The following UCHL5 variants were observed in gnomAD, a reference collection of about 807,000 sequenced individuals.
UCHL5 encodes the protein ubiquitin C-terminal hydrolase L5, also known as ubiquitin carboxyl-terminal hydrolase isozyme L5.
Under a neutral mutation model 53.8 loss-of-function variants are expected in UCHL5, and 34 were observed. The ratio of observed to expected loss-of-function variants is 0.63; its 90% CI spans 0.48 to 0.84. UCHL5 has a LOEUF of 0.84. Ranked by LOEUF, UCHL5 falls within the 40% of genes least tolerant of loss-of-function variation. The pLI is 0.00. For missense variants in UCHL5, 290 were observed against 385.6 expected (o/e 0.75, Z 2.08); for synonymous variants, 111 against 126.3 (o/e 0.88, Z 0.81).
In UCHL5 at chr1:193,029,435, T is replaced by A. The variant is rs780856989; in HGVS notation, c.387A>T (p.Ala129=). The A allele has an allele frequency of 1.2e-6, 2 of 1,613,610 alleles. No individual in the cohort carries two copies. The highest frequency in any genetic ancestry group is 1.7e-6 in the Non-Finnish European group (2 of 1,179,870). Residue 129 remains alanine (A), a synonymous_variant, in exon 5 of 11, where the codon GCA becomes GCT. Coordinates refer to ENST00000367454, the MANE Select transcript of UCHL5 (RefSeq NM_001199261.3). ...QSFDAAMKGL[A]LSNSDVIRQV... ...GTCGAATCACATCTGAATTGCTCAG[T>A]GCCAAGCCTTTCATCTAAAATAATT...
At chr1:193,031,612 A>T (rs1661441636) in intron 3 of UCHL5, among the ~76,000 whole-genome samples, 1 of 152,188 alleles carries the variant, frequency 6.6e-6, no homozygotes, top group South Asian at 2.1e-4. Flanking sequence ...TATGCTATAC[A>T]TAGTACAAAA....
rs959388654 is a variant in UCHL5, at chr1:193,012,480, C to A, written c.*3871G>T. The A allele has an allele frequency of 6.6e-6, 1 of 152,156 alleles. No homozygotes were observed. Among genetic ancestry groups the A allele is most frequent in the Non-Finnish European group, 1.5e-5 (1 of 68,030 alleles). The allele number at this position is 152,156 out of a possible 1,614,324, so 9.4% of individuals were successfully genotyped here. The stretch of plus-strand genomic sequence containing the variant: ...CAAATTAATATTCTTAATTATTGCA[C>A]ATTGGTTCTGCCTATATGCCTATAT... On this transcript the variant is annotated 3_prime_UTR_variant, in exon 11 of 11. Coordinates refer to ENST00000367454, the MANE Select transcript of UCHL5 (RefSeq NM_001199261.3).
In UCHL5 at chr1:193,019,992, A is replaced by G. The variant is rs987545549; in HGVS notation, c.942+1105T>C. 5.1e-6 allele frequency: 5 copies of G among 984,592 alleles called. No individual in the cohort carries two copies. In the African/African-American group the frequency reaches 8.7e-5, roughly 17 times the overall value. 61.0% of individuals were successfully genotyped at this position (984,592 alleles called of 1,614,324 possible). A position where few individuals can be genotyped will look rare whatever the true frequency, so the allele number is the denominator to read the frequency against. Reference sequence around the variant, plus strand: ...AACATCATATCTAGGTATTCTTGTTAACCAAGCAATTTTGAGAACCACAGG... The same window carrying G: ...AACATCATATCTAGGTATTCTTGTTGACCAAGCAATTTTGAGAACCACAGG... On this transcript the variant is annotated intron_variant, in intron 10 of 10. Transcript: ENST00000367454.
chr1:193,050,538 GC>G (rs149665960), intron 2 of UCHL5, among the ~76,000 whole-genome samples: 4,733 of 152,012 alleles, frequency 0.031, 87 homozygotes, highest in Non-Finnish European at 0.045. Context: ...TTCGAGACCA[GC>G]CTGGACAACA....
chr1:193,055,348 G>C (rs181050260), intron 1 of UCHL5, among the ~76,000 whole-genome samples: 262 of 152,292 alleles, frequency 1.7e-3, no homozygotes, highest in African/African-American at 5.3e-3. Context: ...GTTAAGATTA[G>C]TTCTCTAGCT....
chr1:193,017,307 T>A (rs532687108), intron 10 of UCHL5, among the ~76,000 whole-genome samples: 5 of 151,850 alleles, frequency 3.3e-5, no homozygotes, highest in South Asian at 2.1e-4. Flanking sequence ...CAACTTTTTT[T>A]AAAACGTCCT....
At chr1:193,024,904 T>C (rs1018674606) in intron 7 of UCHL5, among the ~76,000 whole-genome samples, 15 of 152,142 alleles carry the variant, frequency 9.9e-5, no homozygotes, top group African/African-American at 3.6e-4. Flanking sequence ...AAAACACTGA[T>C]TGTGGGACTT....
intron 1 of UCHL5, among the ~76,000 whole-genome samples, chr1:193,058,439 G>A (rs1181953144): frequency 6.6e-6 from 1 of 152,196 alleles, no homozygotes; most frequent in Non-Finnish European, 1.5e-5. Flanking sequence ...GTCCAAAGAA[G>A]AGACTAAGAA....
At chr1:193,041,358 C>T (rs1665504514) in intron 3 of UCHL5, among the ~76,000 whole-genome samples, 1 of 152,016 alleles carries the variant, frequency 6.6e-6, no homozygotes, top group South Asian at 2.1e-4. Context: ...ATACATATGG[C>T]CACTAAGCAC....
At chr1:193,020,446 T>G (rs1427996720) in intron 10 of UCHL5, 1 of 1,540,996 alleles carries the variant, frequency 6.5e-7, no homozygotes, top group Non-Finnish European at 8.8e-7. Flanking sequence ...CCTTCCCCTA[T>G]ATCAGAATAT....
chr1:193,037,610 G>A (rs1005035392), intron 3 of UCHL5, among the ~76,000 whole-genome samples: 3 of 152,042 alleles, frequency 2.0e-5, no homozygotes. Context: ...AAGAAGGAAT[G>A]CTTTCCAACC....
upstream of UCHL5, chr1:193,059,797 C>T (rs1310833380): frequency 2.9e-6 from 4 of 1,355,956 alleles, no homozygotes; most frequent in Non-Finnish European, 3.9e-6. This position sits in a 1 kb window ranked among gnomAD's most constrained non-coding sequence, Gnocchi z 4.9. Context: ...TGCGGGAGGC[C>T]GGCTGGGAGC....
chr1:193,054,914 T>C (rs910841616), intron 1 of UCHL5, among the ~76,000 whole-genome samples: 2 of 152,220 alleles, frequency 1.3e-5, no homozygotes, highest in African/African-American at 4.8e-5. Flanking sequence ...CACATCTTGC[T>C]GTCCCTGGAT....
At chr1:193,043,215 A>G (rs1666298494) in intron 3 of UCHL5, among the ~76,000 whole-genome samples, 1 of 131,738 alleles carries the variant, frequency 7.6e-6, no homozygotes. Flanking sequence ...TTTTATGCCT[A>G]TGCCTAACTG....
intron 3 of UCHL5, among the ~76,000 whole-genome samples, chr1:193,041,360 A>C (rs1401937650): frequency 1.3e-5 from 2 of 152,220 alleles, no homozygotes; most frequent in Non-Finnish European, 2.9e-5. Flanking sequence ...ACATATGGCC[A>C]CTAAGCACAT....
chr1:193,052,983 G>T (rs922530611), intron 1 of UCHL5, among the ~76,000 whole-genome samples: 1 of 152,120 alleles, frequency 6.6e-6, no homozygotes, highest in Non-Finnish European at 1.5e-5. Flanking sequence ...AAAAAGTTGG[G>T]TAAACTAACA....
chr1:193,027,761 T>C (rs1317915533), intron 7 of UCHL5: 2 of 436,978 alleles, frequency 4.6e-6, no homozygotes, highest in Non-Finnish European at 8.1e-6. Flanking sequence ...AAAGACAAGA[T>C]GACATACTAC....
chr1:193,029,264 T>A lies in UCHL5; in HGVS notation c.480A>T (p.Glu160Asp), dbSNP rs754733947. Residue 160 changes from glutamate to aspartate, a missense_variant, in exon 6 of 11, where the codon GAA (glutamate) becomes GAT (aspartate). Transcript: ENST00000367454. Reference sequence around the variant, plus strand: ...CATAACTGACAAAGTGAAAAGCATCTTCTTCTTTTGCTGATGTCTTCGTAT... The same window carrying A: ...CATAACTGACAAAGTGAAAAGCATCATCTTCTTTTGCTGATGTCTTCGTAT... ...EFDTKTSAKEEDAFHFVSYVP... is the reference protein window; with the variant it reads ...EFDTKTSAKEDDAFHFVSYVP... 3 of 1,613,876 alleles carry A rather than the reference T, an allele frequency of 1.9e-6. No individual in the cohort carries two copies. The South Asian group carries it at 3.3e-5, about 18-fold the overall frequency.
intron 10 of UCHL5, chr1:193,018,490 G>T: frequency 9.6e-7 from 1 of 1,039,678 alleles, no homozygotes; most frequent in South Asian, 4.6e-5. Flanking sequence ...ATATATTTTT[G>T]GATTACCTCC....
Sources: gnomAD v4.1 joint callset for allele counts (sites outside exome capture counted in the v4.1 genomes callset) on GRCh38, gnomAD v4.1.1 for gene constraint, Gnocchi (gnomAD v3.1) non-coding constraint, MANE v1.5 for transcripts, NCBI Gene and HGNC (gene_info 2026-07-23, HGNC 2026-07-21) for gene names.